Variants in HDAC4 observed in about 807,000 individuals in gnomAD.
HDAC4 encodes histone deacetylase 4.
A neutral mutation model predicts 135.1 loss-of-function variants in HDAC4; 16 were observed. That is an observed-to-expected ratio of 0.12 (90% CI 0.08 to 0.18). HDAC4 has a LOEUF of 0.18. Ranked by LOEUF, HDAC4 falls within the 10% of genes least tolerant of loss-of-function variation. The pLI is 1.00. For synonymous variants in HDAC4, 685 were observed against 653.4 expected, an observed-to-expected ratio of 1.05 and a Z score of -0.74; for missense variants, 1,143 against 1,511.8, an observed-to-expected ratio of 0.76 and a Z score of 4.05.
At chr2:239,297,421 C>A (rs2051973539) in intron 2 of HDAC4, among the ~76,000 whole-genome samples, 1 of 152,248 alleles carries the variant, frequency 6.6e-6, no homozygotes, top group Non-Finnish European at 1.5e-5. Context: ...CAGAGCTTTG[C>A]ATTGCCATTT....
At chr2:239,365,220 G>A (rs1694112716) in intron 1 of HDAC4, among the ~76,000 whole-genome samples, 1 of 152,186 alleles carries the variant, frequency 6.6e-6, no homozygotes, top group Non-Finnish European at 1.5e-5. Context: ...TTTTATAAGA[G>A]TGTCATTTTA....
intron 5 of HDAC4, among the ~76,000 whole-genome samples, chr2:239,168,616 T>C (rs11679247): frequency 5.9e-5 from 9 of 152,208 alleles, no homozygotes; most frequent in African/African-American, 1.9e-4. Flanking sequence ...TTCAAATGCT[T>C]AGATGCTGGC....
intron 2 of HDAC4, among the ~76,000 whole-genome samples, chr2:239,246,365 G>A (rs572928189): frequency 9.6e-4 from 146 of 152,332 alleles, no homozygotes; most frequent in African/African-American, 3.3e-3. Flanking sequence ...CGTGGCAGCC[G>A]GAGAAGCACC....
chr2:239,275,435 C>T (rs910536144), intron 2 of HDAC4, among the ~76,000 whole-genome samples: 5 of 152,198 alleles, frequency 3.3e-5, no homozygotes, highest in African/African-American at 7.2e-5. Flanking sequence ...CTTTGTGTAC[C>T]GGAGGCGCTG....
At chr2:239,225,274 C>G (rs1355021297) in intron 3 of HDAC4, among the ~76,000 whole-genome samples, 1 of 152,218 alleles carries the variant, frequency 6.6e-6, no homozygotes, top group Non-Finnish European at 1.5e-5. Flanking sequence ...CCAAGGGAAG[C>G]ACAGCACAGA....
At chr2:239,314,286 GT>G (rs2053023115) in intron 2 of HDAC4, among the ~76,000 whole-genome samples, 1 of 152,216 alleles carries the variant, frequency 6.6e-6, no homozygotes, top group African/African-American at 2.4e-5. Context: ...AAAGACCTCA[GT>G]TGTAGGAAAA....
chr2:239,063,937 G>T (rs1372825693), intron 24 of HDAC4, among the ~76,000 whole-genome samples: 1 of 152,234 alleles, frequency 6.6e-6, no homozygotes, highest in Non-Finnish European at 1.5e-5. Flanking sequence ...AGCGCTGCCG[G>T]TCCTGGGCCT....
intron 2 of HDAC4, chr2:239,305,557 A>G (rs1439779741): frequency 6.5e-6 from 1 of 152,756 alleles, no homozygotes; most frequent in Non-Finnish European, 1.5e-5. Flanking sequence ...GAGGCTTTCA[A>G]ATTTTTCCTT....
intron 3 of HDAC4, among the ~76,000 whole-genome samples, chr2:239,192,497 T>A (rs529420979): frequency 6.6e-6 from 1 of 152,346 alleles, no homozygotes; most frequent in East Asian, 1.9e-4. Flanking sequence ...GGAGGAGAGC[T>A]AAGTCAGCAA....
At chr2:239,107,424 C>G (rs149108801) in intron 15 of HDAC4, among the ~76,000 whole-genome samples, 1 of 152,170 alleles carries the variant, frequency 6.6e-6, no homozygotes, top group African/African-American at 2.4e-5. Flanking sequence ...GCAGCATCCC[C>G]GAAGCCTCCT....
chr2:239,276,396 C>T (rs893295020), intron 2 of HDAC4, among the ~76,000 whole-genome samples: 11 of 152,222 alleles, frequency 7.2e-5, no homozygotes, highest in South Asian at 2.1e-4. Context: ...GGCCACAGGA[C>T]GGGGGCAGGA....
intron 4 of HDAC4, among the ~76,000 whole-genome samples, chr2:239,179,459 G>A (rs994792812): frequency 6.6e-6 from 1 of 152,158 alleles, no homozygotes; most frequent in Non-Finnish European, 1.5e-5. Context: ...CTGTGCGTGT[G>A]GGGGATTTAG....
In HDAC4 at chr2:239,262,310, A is replaced by G. The variant is rs540861420; in HGVS notation, c.23-25646T>C. 6.6e-6 allele frequency among the ~76,000 whole-genome samples: 1 copy of G among 152,376 alleles called. No individual in the cohort carries two copies. Among genetic ancestry groups the G allele is most frequent in the East Asian group, 1.9e-4 (1 of 5,188 alleles). On this transcript the variant is annotated intron_variant, in intron 2 of 26. Coordinates refer to ENST00000543185, the MANE Select transcript of HDAC4 (RefSeq NM_001378414.1). This position sits in a 1 kb window ranked among gnomAD's most constrained non-coding sequence, Gnocchi z 4.1. ...CAGAAACCTTGGCTTAGTATCAGAG[A>G]CCACAATAACACACTTTAGAAACAG...
chr2:239,229,208 A>C (rs2047407278), intron 3 of HDAC4, among the ~76,000 whole-genome samples: 2 of 152,216 alleles, frequency 1.3e-5, no homozygotes, highest in African/African-American at 4.8e-5. Context: ...AATTCGCCTA[A>C]TTGCCAAAAG....
At chr2:239,078,105 G>C (rs531367162) in intron 22 of HDAC4, among the ~76,000 whole-genome samples, 2 of 152,294 alleles carry the variant, frequency 1.3e-5, no homozygotes, top group East Asian at 3.9e-4. Context: ...GTGAGGGATG[G>C]GTTACAGAGC....
rs539970187 is a variant in HDAC4, at chr2:239,084,448, C to G, written c.2445-206G>C. 1.6e-4 allele frequency among the ~76,000 whole-genome samples: 23 copies of G among 142,284 alleles called. No homozygotes were observed. The South Asian group carries it at 5.4e-3, about 34-fold the overall frequency. 93.3% of individuals were successfully genotyped at this position (142,284 alleles called of 152,430 possible). A position where few individuals can be genotyped will look rare whatever the true frequency, so the allele number is the denominator to read the frequency against. ...CGTACACACCCCACATGCAGACACA[C>G]TCACACGCGTGCGCGCGCACACACA... On this transcript the variant is annotated intron_variant, in intron 19 of 26. Transcript: ENST00000543185.
At chr2:239,092,568 G>A (rs775317720) in intron 17 of HDAC4, among the ~76,000 whole-genome samples, 2 of 152,176 alleles carry the variant, frequency 1.3e-5, no homozygotes, top group Non-Finnish European at 2.9e-5. Context: ...CCCCTCCCAT[G>A]GGACCCTGGG....
intron 3 of HDAC4, among the ~76,000 whole-genome samples, chr2:239,227,099 G>C (rs563620414): frequency 2.0e-5 from 3 of 152,306 alleles, no homozygotes; most frequent in African/African-American, 7.2e-5. Context: ...AGCCAGGGTG[G>C]GCCAAGGGAG....
intron 3 of HDAC4, among the ~76,000 whole-genome samples, chr2:239,198,435 G>A (rs1438311550): frequency 6.6e-6 from 1 of 152,190 alleles, no homozygotes; most frequent in Non-Finnish European, 1.5e-5. Context: ...GAGGGTGAGA[G>A]CTGGGCCTTC....
Sources: gnomAD v4.1 joint callset for allele counts (sites outside exome capture counted in the v4.1 genomes callset) on GRCh38, gnomAD v4.1.1 for gene constraint, Gnocchi (gnomAD v3.1) non-coding constraint, MANE v1.5 for transcripts, NCBI Gene and HGNC (gene_info 2026-07-23, HGNC 2026-07-21) for gene names.